Variants in EYS observed in about 807,000 individuals in gnomAD.
EYS encodes the protein EGF-like photoreceptor maintenance factor.
A neutral mutation model predicts 282.1 loss-of-function variants in EYS; 250 were observed. The observed-to-expected ratio is 0.89, with a 90% CI of 0.80 to 0.98. The LOEUF is 0.98. Among genes scored for constraint, EYS ranks in the 50% least tolerant of loss-of-function variants. EYS has a pLI of 0.00. For synonymous variants in EYS, 1,355 were observed against 1,282.9 expected, an observed-to-expected ratio of 1.06 and a Z score of -1.20; for missense variants, 4,016 against 3,709.0, an observed-to-expected ratio of 1.08 and a Z score of -2.15.
intron 10 of EYS, among the ~76,000 whole-genome samples, chr6:65,339,153 G>A (rs1053110372): frequency 2.0e-5 from 3 of 150,996 alleles, no homozygotes; most frequent in African/African-American, 4.8e-5. Context: ...ATCATGATAC[G>A]TAGAAAGCTG....
At chr6:63,826,125 T>C (rs1264405962) in intron 36 of EYS, among the ~76,000 whole-genome samples, 1 of 152,126 alleles carries the variant, frequency 6.6e-6, no homozygotes, top group Non-Finnish European at 1.5e-5. Context: ...ACAATAGAAT[T>C]GAACAAGTAG....
intron 26 of EYS, among the ~76,000 whole-genome samples, chr6:64,579,011 T>C (rs1258123369): frequency 2.0e-5 from 3 of 152,286 alleles, no homozygotes; most frequent in African/African-American, 2.4e-5. Flanking sequence ...TAATTTTCTA[T>C]GTACAAGTGA....
intron 19 of EYS, among the ~76,000 whole-genome samples, chr6:64,840,928 C>T (rs1362448495): frequency 6.6e-6 from 1 of 152,060 alleles, no homozygotes; most frequent in Non-Finnish European, 1.5e-5. Flanking sequence ...CAAAGAACTA[C>T]ACAGCACACA....
At chr6:65,602,562 G>A (rs571114836) in intron 2 of EYS, among the ~76,000 whole-genome samples, 23 of 151,974 alleles carry the variant, frequency 1.5e-4, no homozygotes, top group Admixed American at 8.5e-4. Context: ...CACTGTTCTT[G>A]GAAGCAAGAA....
intron 11 of EYS, among the ~76,000 whole-genome samples, chr6:65,323,580 T>C (rs912948404): frequency 7.0e-6 from 1 of 143,044 alleles, no homozygotes; most frequent in African/African-American, 2.6e-5. Context: ...TTTTATGAGA[T>C]TGGTACTGTT....
At chr6:64,396,529 TC>T (rs1478506010) in intron 28 of EYS, among the ~76,000 whole-genome samples, 5 of 152,152 alleles carry the variant, frequency 3.3e-5, no homozygotes, top group African/African-American at 1.2e-4. Context: ...CCTGACTTAC[TC>T]CATTTTTGAA....
At chr6:64,596,147 A>G (rs75646458) in intron 24 of EYS, among the ~76,000 whole-genome samples, 15,332 of 152,144 alleles carry the variant, frequency 0.1, 918 homozygotes, top group East Asian at 0.17. Flanking sequence ...CAACTACTGC[A>G]ACACCAGCAG....
At chr6:63,885,890 A>C (rs1773250547) in intron 35 of EYS, among the ~76,000 whole-genome samples, 1 of 152,174 alleles carries the variant, frequency 6.6e-6, no homozygotes, top group South Asian at 2.1e-4. Context: ...CTTTTGAGCA[A>C]TATTCTTCTT....
intron 31 of EYS, among the ~76,000 whole-genome samples, chr6:64,181,689 G>C (rs1241122121): frequency 6.6e-6 from 1 of 151,988 alleles, no homozygotes; most frequent in African/African-American, 2.4e-5. Flanking sequence ...TAGCATCCCA[G>C]TCCACTAAAA....
At chr6:65,309,373 T>C (rs1769094982) in intron 11 of EYS, among the ~76,000 whole-genome samples, 1 of 152,188 alleles carries the variant, frequency 6.6e-6, no homozygotes, top group Admixed American at 6.5e-5. Flanking sequence ...AAAGCATCTA[T>C]AGCTGCCTTA....
At chr6:65,557,727 T>A (rs776733476) in intron 2 of EYS, among the ~76,000 whole-genome samples, 2 of 152,142 alleles carry the variant, frequency 1.3e-5, no homozygotes, top group Non-Finnish European at 2.9e-5. Flanking sequence ...GTTCTTTTCC[T>A]GAATCCAAGA....
intron 26 of EYS, among the ~76,000 whole-genome samples, chr6:64,546,269 G>T (rs1396147564): frequency 6.6e-6 from 1 of 152,072 alleles, no homozygotes; most frequent in East Asian, 1.9e-4. Context: ...CAAGAAATGG[G>T]GAAATGATTC....
intron 22 of EYS, among the ~76,000 whole-genome samples, chr6:64,799,905 T>C (rs1774485207): frequency 6.6e-6 from 1 of 151,836 alleles, no homozygotes; most frequent in Non-Finnish European, 1.5e-5. Flanking sequence ...ACTAATAACA[T>C]TCTCTGACTG....
intron 5 of EYS, among the ~76,000 whole-genome samples, chr6:65,463,438 A>T (rs1339476225): frequency 6.6e-6 from 1 of 152,062 alleles, no homozygotes; most frequent in East Asian, 1.9e-4. Context: ...TGATTTTCTC[A>T]TATTGTTTTA....
chr6:65,026,670 C>T (rs552988430), intron 13 of EYS, among the ~76,000 whole-genome samples: 1 of 152,104 alleles, frequency 6.6e-6, no homozygotes, highest in South Asian at 2.1e-4. Flanking sequence ...GTAATCCCAG[C>T]ACTTTGGGAG....
At chr6:64,398,220 A>G (rs1405122424) in intron 28 of EYS, among the ~76,000 whole-genome samples, 1 of 151,992 alleles carries the variant, frequency 6.6e-6, no homozygotes, top group African/African-American at 2.4e-5. Flanking sequence ...ATTATTACAC[A>G]GCAAGTTTTA....
intron 31 of EYS, among the ~76,000 whole-genome samples, chr6:64,163,607 T>C (rs1047752108): frequency 6.6e-6 from 1 of 152,134 alleles, no homozygotes; most frequent in African/African-American, 2.4e-5. Flanking sequence ...GTTTAGCTAT[T>C]ATGTGAAGAA....
chr6:64,921,114 C>A (rs917302365), intron 15 of EYS, among the ~76,000 whole-genome samples: 2 of 152,030 alleles, frequency 1.3e-5, no homozygotes, highest in African/African-American at 4.8e-5. Context: ...GTTTCATACT[C>A]CTTAGGGGTA....
At chr6:65,581,042 G>A (rs923431146) in intron 2 of EYS, among the ~76,000 whole-genome samples, 1 of 152,012 alleles carries the variant, frequency 6.6e-6, no homozygotes, top group African/African-American at 2.4e-5. Context: ...TTAAAAAAGT[G>A]AATTTCTCAT....
Sources: gnomAD v4.1 joint callset for allele counts (sites outside exome capture counted in the v4.1 genomes callset) on GRCh38, gnomAD v4.1.1 for gene constraint, MANE v1.5 for transcripts, NCBI Gene and HGNC (gene_info 2026-07-23, HGNC 2026-07-21) for gene names.